Variants in RAN observed in about 807,000 individuals in gnomAD.
RAN encodes RAN, member RAS oncogene family, also known as GTP-binding nuclear protein Ran.
In RAN, 2 loss-of-function variants were observed where a neutral mutation model predicts 26.8. The observed-to-expected ratio is 0.07, with a 90% CI of 0.03 to 0.23. The LOEUF (loss-of-function observed/expected upper bound fraction) is 0.23. Among genes scored for constraint, RAN ranks in the 10% least tolerant of loss-of-function variants. RAN has a pLI of 1.00. For synonymous variants in RAN, 132 were observed against 95.9 expected (o/e 1.38, Z -2.20); for missense variants, 56 against 264.8 (o/e 0.21, Z 5.47).
chr12:130,873,033 T>G lies in RAN; in HGVS notation c.152T>G (p.Val51Gly). 3 of 1,614,216 alleles carry G rather than the reference T, an allele frequency of 1.9e-6. No individual in the cohort carries two copies. The highest frequency in any genetic ancestry group is 2.5e-6 in the Non-Finnish European group (3 of 1,180,030). Residue 51 changes from valine to glycine, a missense_variant, in exon 4 of 7, where the codon GTG becomes GGG. Val to Gly is a moderately radical substitution (Grantham distance 109, BLOSUM62 -3). Transcript: ENST00000543796. ...TTGGGTGTTGAGGTTCATCCCCTAG[T>G]GTTCCACACCAACAGAGGACCTATT... Reference protein sequence around the residue: ...ATLGVEVHPLVFHTNRGPIKF... With the variant: ...ATLGVEVHPLGFHTNRGPIKF...
rs988012413 is a variant in RAN at position 130,872,816 on chromosome 12, C to T, written c.37-20C>T. Reference sequence around the variant, plus strand: ...AGGTGAAGTGTTTAGGGTTTACTTCCAAAATGTGTTTTTCAACAGCTTGTA... The same window carrying T: ...AGGTGAAGTGTTTAGGGTTTACTTCTAAAATGTGTTTTTCAACAGCTTGTA... On this transcript the variant is annotated intron_variant, in intron 2 of 6. Coordinates refer to ENST00000543796, the MANE Select transcript of RAN (RefSeq NM_006325.5). The T allele has an allele frequency of 5.0e-6, 8 of 1,613,594 alleles. No homozygotes were observed. The highest frequency in any genetic ancestry group is 6.8e-6 in the Non-Finnish European group (8 of 1,179,642).
intron 4 of RAN, chr12:130,874,335 AGG>A: frequency 3.2e-6 from 1 of 309,422 alleles, no homozygotes; most frequent in East Asian, 5.4e-5. Context: ...GAAGTATATC[AGG>A]GAGATTTGAT....
rs775174105 is a variant in RAN at position 130,874,628 on chromosome 12, A to G, written c.330A>G (p.Arg110=). 1 of 1,609,466 alleles carries G rather than the reference A, an allele frequency of 6.2e-7. No individual in the cohort carries two copies. The highest frequency in any genetic ancestry group is 8.5e-7 in the Non-Finnish European group (1 of 1,175,966). Residue 110 remains arginine, a synonymous_variant, in exon 5 of 7, where the codon CGA becomes CGG. Transcript: ENST00000543796. ...CTAACTGGCATAGAGATCTGGTACG[A>G]GTGTGTGAAAACATCCCCATTGTGT... is the stretch of plus-strand genomic sequence containing the variant. ...NVPNWHRDLV[R]VCENIPIVLC... is the part of the protein sequence containing the mutation.
At position 130,874,640 on chromosome 12, in the gene RAN, C is replaced by T. The variant is rs1953204404; in HGVS notation, c.342C>T (p.Asn114=). The T allele has an allele frequency of 3.1e-6, 5 of 1,612,242 alleles. No homozygotes were observed. The highest frequency in any genetic ancestry group is 4.2e-6 in the Non-Finnish European group (5 of 1,178,468). ...GAGATCTGGTACGAGTGTGTGAAAA[C>T]ATCCCCATTGTGTTGTGTGGCAACA... ...WHRDLVRVCE[N]IPIVLCGNKV... is the part of the protein sequence containing the mutation. The change falls in exon 5 of 7, where the codon AAC becomes AAT. Residue 114 remains asparagine, a synonymous_variant. Coordinates refer to ENST00000543796, the MANE Select transcript of RAN (RefSeq NM_006325.5).
chr12:130,875,552 A>G, intron 5 of RAN, 60 bp from the exon 6 acceptor site: 3 of 1,409,380 alleles, frequency 2.1e-6, no homozygotes, highest in East Asian at 2.4e-5. Flanking sequence ...GCAATGTCCT[A>G]GAAAAATCGT....
chr12:130,876,030 G>A lies in RAN; in HGVS notation c.*104G>A, dbSNP rs1056887513. ...CCACCTCATTATTATCTAGCTAAGC[G>A]GAACATGTGCTTCATCTGTGGGATG... On this transcript the variant is annotated 3_prime_UTR_variant, in exon 7 of 7. Transcript: ENST00000543796. 9.6e-5 allele frequency: 113 copies of A among 1,182,760 alleles called. No individual in the cohort carries two copies. Among genetic ancestry groups the A allele is most frequent in the Non-Finnish European group, 1.3e-4 (106 of 807,160 alleles). 73.3% of individuals were successfully genotyped at this position (1,182,760 alleles called of 1,614,324 possible).
chr12:130,874,120 A>G (rs1255991523), intron 4 of RAN: 1 of 248,538 alleles, frequency 4.0e-6, no homozygotes. Flanking sequence ...AAGTGCTGGG[A>G]TTACAGACGT....
chr12:130,873,482 A>C, intron 4 of RAN: 1 of 259,754 alleles, frequency 3.8e-6, no homozygotes, highest in African/African-American at 2.2e-5. Context: ...TTACTGTATT[A>C]GAAAACAATA....
At chr12:130,873,244 GAC>G (rs1354551965) in intron 4 of RAN, 116 bp downstream of exon 4, 2 of 1,401,348 alleles carry the variant, frequency 1.4e-6, no homozygotes, top group Non-Finnish European at 1.9e-6. Flanking sequence ...GTTAAAAAAA[GAC>G]AAGTGGACTT....
rs3803013 is a variant in RAN at position 130,876,394 on chromosome 12, C to T, written c.*468C>T. The T allele has an allele frequency of 8.4e-5, 14 of 167,090 alleles. No individual in the cohort carries two copies. The East Asian group carries it at 2.5e-3, about 30-fold the overall frequency. The allele number at this position is 167,090 out of a possible 1,614,324, so 10.4% of individuals were successfully genotyped here. Reference sequence around the variant, plus strand: ...TTGCTTTTATCACTTAATTTGAAATCTATTGGGTTAATTTCTCCCTATGTT... The same window carrying T: ...TTGCTTTTATCACTTAATTTGAAATTTATTGGGTTAATTTCTCCCTATGTT... On this transcript the variant is annotated 3_prime_UTR_variant, in exon 7 of 7. Coordinates refer to ENST00000543796, the MANE Select transcript of RAN (RefSeq NM_006325.5).
In RAN at chr12:130,874,589, T is replaced by G; in HGVS notation, c.291T>G (p.Thr97=). The G allele has an allele frequency of 6.2e-7, 1 of 1,602,160 alleles. No homozygotes were observed. Among genetic ancestry groups the G allele is most frequent in the South Asian group, 1.1e-5 (1 of 90,534 alleles). Residue 97 remains threonine (T), a synonymous_variant, in exon 5 of 7, where the codon ACT becomes ACG. Coordinates refer to ENST00000543796, the MANE Select transcript of RAN (RefSeq NM_006325.5). ...TGTTTGATGTAACATCGAGAGTTAC[T>G]TACAAGAATGTGCCTAACTGGCATA... The part of the protein sequence containing the change: ...IIMFDVTSRV[T]YKNVPNWHRD...
At position 130,874,762 on chromosome 12, in the gene RAN, T is replaced by C. The variant is rs370424451; in HGVS notation, c.435+29T>C. On this transcript the variant is annotated intron_variant, in intron 5 of 6. Transcript: ENST00000543796. ...TGTAAAATTAAAACTTCCTGAGTTA[T>C]TTCTCTTAGCGGAGATTATATGTAA... 547 of 1,560,432 alleles carry C rather than the reference T, an allele frequency of 3.5e-4. 1 individual carries two copies. The highest frequency in any genetic ancestry group is 4.0e-4 in the Non-Finnish European group (454 of 1,136,288).
In RAN at chr12:130,872,724, C is replaced by T. The variant is rs558005872; in HGVS notation, c.36+95C>T. 109 of 1,558,788 alleles carry T rather than the reference C, an allele frequency of 7.0e-5. 1 individual carries two copies. The Admixed American group carries it at 1.9e-3, about 27-fold the overall frequency. On this transcript the variant is annotated intron_variant, in intron 2 of 6. Coordinates refer to ENST00000543796, the MANE Select transcript of RAN (RefSeq NM_006325.5). Reference sequence around the variant, plus strand: ...GGCCACGATGGCTGTAATGGGGCCCCGCATCCACATTCTTTGTTTTAAGTG... The same window carrying T: ...GGCCACGATGGCTGTAATGGGGCCCTGCATCCACATTCTTTGTTTTAAGTG...
At position 130,872,994 on chromosome 12, in the gene RAN, C is replaced by A; in HGVS notation, c.122-9C>A. 6 of 1,614,204 alleles carry A rather than the reference C, an allele frequency of 3.7e-6. No individual in the cohort carries two copies. The highest frequency in any genetic ancestry group is 5.1e-6 in the Non-Finnish European group (6 of 1,180,040). On this transcript the variant is annotated splice_polypyrimidine_tract_variant and intron_variant, in intron 3 of 6. Transcript: ENST00000543796. Reference sequence around the variant, plus strand: ...GTTCATCCACTCAATCGCATCGTTTCCGTTTCAGCCACCTTGGGTGTTGAG... The same window carrying A: ...GTTCATCCACTCAATCGCATCGTTTACGTTTCAGCCACCTTGGGTGTTGAG...
At chr12:130,874,825 T>C (rs1953208267) in intron 5 of RAN, 92 bp downstream of exon 5, 1 of 1,144,064 alleles carries the variant, frequency 8.7e-7, no homozygotes, top group Non-Finnish European at 1.2e-6. Flanking sequence ...TATATGGAAA[T>C]GATTTTTTTT....
chr12:130,875,466 C>A, intron 5 of RAN, 146 bp from the exon 6 acceptor site: 2 of 746,628 alleles, frequency 2.7e-6, no homozygotes, highest in Non-Finnish European at 4.2e-6. Flanking sequence ...GCAATCCCAC[C>A]TCAGCCCCCG....
chr12:130,873,183 T>C, intron 4 of RAN, 55 bp downstream of exon 4: 1 of 1,607,984 alleles, frequency 6.2e-7, no homozygotes, highest in South Asian at 1.1e-5. Flanking sequence ...TACTTCAGTC[T>C]TCAAGGTTAT....
Position 130,877,565 on chromosome 12 carries a change from T to C in RAN, c.*1639T>C, listed in dbSNP as rs1953271407. 6.6e-6 allele frequency: 1 copy of C among 152,178 alleles called. No homozygotes were observed. Among genetic ancestry groups the C allele is most frequent in the Admixed American group, 6.5e-5 (1 of 15,268 alleles). 9.4% of individuals were successfully genotyped at this position (152,178 alleles called of 1,614,324 possible). On this transcript the variant is annotated 3_prime_UTR_variant, in exon 7 of 7. Coordinates refer to ENST00000543796, the MANE Select transcript of RAN (RefSeq NM_006325.5). Reference sequence around the variant, plus strand: ...ACATTCTGGATCTTCTATGTAACAGTTGAAATTTGGAAGTGACGTCACTTA... The same window carrying C: ...ACATTCTGGATCTTCTATGTAACAGCTGAAATTTGGAAGTGACGTCACTTA...
In RAN at chr12:130,873,056, A is replaced by G. The variant is rs770289898; in HGVS notation, c.175A>G (p.Ile59Val). 5 of 1,614,222 alleles carry G rather than the reference A, an allele frequency of 3.1e-6. No homozygotes were observed. Among genetic ancestry groups the G allele is most frequent in the South Asian group, 1.1e-5 (1 of 91,090 alleles). ...AGTGTTCCACACCAACAGAGGACCTATTAAGTTCAATGTATGGGACACAGC... is the reference window on the plus strand; with the variant it reads ...AGTGTTCCACACCAACAGAGGACCTGTTAAGTTCAATGTATGGGACACAGC... ...PLVFHTNRGP[I>V]KFNVWDTAGQ... Residue 59 changes from isoleucine to valine, a missense_variant, in exon 4 of 7, where the codon ATT becomes GTT. By Grantham distance (29) the Ile-to-Val change is conservative. Around this residue, in one of 2 missense-constraint regions of RAN, gnomAD observed 39 missense variants for 248.7 expected, o/e 0.16. Transcript: ENST00000543796.
Sources: gnomAD v4.1 joint callset for allele counts on GRCh38, gnomAD v4.1.1 for gene constraint, gnomAD v4.1.1 regional missense constraint, MANE v1.5 for transcripts, NCBI Gene and HGNC (gene_info 2026-07-23, HGNC 2026-07-21) for gene names.